The following DNM3 variants were observed in gnomAD, a reference collection of about 807,000 sequenced individuals.
DNM3 encodes the protein dynamin 3, also known as dynamin-3.
DNM3 carries 47 observed loss-of-function variants against 101.6 expected under a neutral mutation model. That is an observed-to-expected ratio of 0.46 (90% CI 0.37 to 0.59). DNM3 has a LOEUF of 0.59. Among genes scored for constraint, DNM3 ranks in the 20% least tolerant of loss-of-function variants. The pLI is 0.00. For missense variants in DNM3, 849 were observed against 1,085.7 expected (o/e 0.78, Z 3.06); for synonymous variants, 385 against 387.9 (o/e 0.99, Z 0.09).
intron 4 of DNM3, among the ~76,000 whole-genome samples, chr1:172,002,078 C>G (rs1198971105): frequency 6.6e-6 from 1 of 152,028 alleles, no homozygotes; most frequent in African/African-American, 2.4e-5. Flanking sequence ...TTTCCAGGTA[C>G]TATATCTGTC....
At chr1:172,244,091 C>T (rs1352128162) in intron 14 of DNM3, among the ~76,000 whole-genome samples, 1 of 152,036 alleles carries the variant, frequency 6.6e-6, no homozygotes, top group African/African-American at 2.4e-5. Context: ...GTTCAATTCC[C>T]ACCTATGAGT....
chr1:172,249,130 C>T (rs929621616), intron 14 of DNM3, among the ~76,000 whole-genome samples: 1 of 152,162 alleles, frequency 6.6e-6, no homozygotes, highest in African/African-American at 2.4e-5. Context: ...GCTATTCCCC[C>T]ACACACCTGA....
intron 1 of DNM3, among the ~76,000 whole-genome samples, chr1:171,905,323 C>T (rs923011606): frequency 3.9e-5 from 6 of 152,172 alleles, no homozygotes; most frequent in African/African-American, 9.6e-5. Context: ...TATCAGTCTT[C>T]CTTTCTGAGT....
chr1:172,175,596 A>G lies in DNM3; in HGVS notation c.1659+44308A>G, dbSNP rs570808688. 1.9e-4 allele frequency among the ~76,000 whole-genome samples: 29 copies of G among 151,914 alleles called. No homozygotes were observed. The East Asian group carries it at 5.6e-3, about 29-fold the overall frequency. On this transcript the variant is annotated intron_variant, in intron 14 of 20. Coordinates refer to ENST00000627582, the MANE Select transcript of DNM3 (RefSeq NM_015569.5). ...AGTAAGTGGTATAGATAATAAGTAC[A>G]AATAAGAAACTGGAGGAAGGAGATT...
chr1:171,900,864 T>G (rs1336702241), intron 1 of DNM3, among the ~76,000 whole-genome samples: 1 of 151,602 alleles, frequency 6.6e-6, no homozygotes, highest in Non-Finnish European at 1.5e-5. Flanking sequence ...ATCCTAGCAT[T>G]TAGGGAGGCC....
chr1:171,990,137 C>T (rs1156661283), intron 4 of DNM3, among the ~76,000 whole-genome samples: 1 of 152,136 alleles, frequency 6.6e-6, no homozygotes, highest in Non-Finnish European at 1.5e-5. Context: ...ATATCTTCCT[C>T]CAAGGACTTT....
At chr1:172,340,668 A>G (rs2066644712) in intron 17 of DNM3, among the ~76,000 whole-genome samples, 1 of 152,230 alleles carries the variant, frequency 6.6e-6, no homozygotes. Flanking sequence ...GCAATGAGAC[A>G]TTTCAGTTGG....
intron 14 of DNM3, among the ~76,000 whole-genome samples, chr1:172,163,956 TACACACAC>T (rs10536417): frequency 0.25 from 37,285 of 147,248 alleles, 5,108 homozygotes; most frequent in Middle Eastern, 0.35. Context: ...TACATATATA[TACACACAC>T]ACACACACAC....
rs564112568 is a variant in DNM3, at chr1:172,216,121, C to T, written c.1660-37452C>T. On this transcript the variant is annotated intron_variant, in intron 14 of 20. Coordinates refer to ENST00000627582, the MANE Select transcript of DNM3 (RefSeq NM_015569.5). ...AGGCATAAGAAAACTTGAACAGAAT[C>T]AAGAAATTTACCATTTAGTTATAAA... Among the ~76,000 whole-genome samples the T allele has an allele frequency of 1.1e-4, 16 of 151,732 alleles. 1 individual carries two copies. Among genetic ancestry groups the T allele is most frequent in the African/African-American group, 3.9e-4 (16 of 41,440 alleles).
intron 4 of DNM3, among the ~76,000 whole-genome samples, chr1:172,004,994 TAAG>T (rs1174058024): frequency 3.9e-5 from 6 of 152,084 alleles, no homozygotes; most frequent in Non-Finnish European, 7.4e-5. Context: ...TTTGCTTTAA[TAAG>T]AATTTGCATT....
intron 1 of DNM3, among the ~76,000 whole-genome samples, chr1:171,856,550 G>A (rs1357728675): frequency 1.3e-5 from 2 of 151,990 alleles, no homozygotes; most frequent in Non-Finnish European, 2.9e-5. Context: ...TGATTTCTTT[G>A]AGCAGTATTT....
In DNM3 at chr1:172,412,534, C is replaced by G. The variant is rs898859898; in HGVS notation, c.*4693C>G. On this transcript the variant is annotated 3_prime_UTR_variant, in exon 21 of 21. Coordinates refer to ENST00000627582, the MANE Select transcript of DNM3 (RefSeq NM_015569.5). ...CTGCTGATTCTTTAATTAATATGAG[C>G]CGGATACTTTCCACTGTCTTCTTGG... is the stretch of plus-strand genomic sequence containing the variant. 8 of 985,366 alleles carry G rather than the reference C, an allele frequency of 8.1e-6. No homozygotes were observed. The highest frequency in any genetic ancestry group is 9.6e-6 in the Non-Finnish European group (8 of 829,776). 61.0% of individuals were successfully genotyped at this position (985,366 alleles called of 1,614,324 possible).
At chr1:171,983,553 C>A (rs557912455) in intron 2 of DNM3, among the ~76,000 whole-genome samples, 2 of 152,068 alleles carry the variant, frequency 1.3e-5, no homozygotes, top group East Asian at 3.9e-4. Context: ...TCTAAGTCTC[C>A]ATCTCCTGAC....
intron 14 of DNM3, among the ~76,000 whole-genome samples, chr1:172,232,207 A>T (rs1457976497): frequency 6.6e-6 from 1 of 152,164 alleles, no homozygotes; most frequent in Non-Finnish European, 1.5e-5. Flanking sequence ...TACCAAGCAA[A>T]TGGAAAACAA....
chr1:172,017,075 C>T (rs957744505), intron 4 of DNM3, among the ~76,000 whole-genome samples: 13 of 152,200 alleles, frequency 8.5e-5, no homozygotes, highest in African/African-American at 3.1e-4. Context: ...ATTCATGAGA[C>T]CTGTAGTCAT....
At chr1:171,962,055 A>G (rs2043248689) in intron 2 of DNM3, among the ~76,000 whole-genome samples, 1 of 152,158 alleles carries the variant, frequency 6.6e-6, no homozygotes, top group African/African-American at 2.4e-5. Context: ...GTTAGGGGGA[A>G]GAGTTTGCTA....
chr1:172,064,069 T>A (rs2125921879), intron 10 of DNM3, among the ~76,000 whole-genome samples: 1 of 152,280 alleles, frequency 6.6e-6, no homozygotes, highest in South Asian at 2.1e-4. Flanking sequence ...AGCATGGAGC[T>A]GGACTGTAGC....
rs1414508718 is a variant in DNM3, at chr1:171,952,592, A to T, written c.235+30771A>T. Among the ~76,000 whole-genome samples, 14 of 152,210 alleles carry T rather than the reference A, an allele frequency of 9.2e-5. No homozygotes were observed. The East Asian group carries it at 2.7e-3, about 29-fold the overall frequency. ...CCTTGGCCCAGAGGGGATCCATTTC[A>T]ATCGGTTGGGGAGGCTTAGGATTTT... On this transcript the variant is annotated intron_variant, in intron 2 of 20. Coordinates refer to ENST00000627582, the MANE Select transcript of DNM3 (RefSeq NM_015569.5).
chr1:171,960,943 G>T (rs1380014825), intron 2 of DNM3, among the ~76,000 whole-genome samples: 2 of 152,176 alleles, frequency 1.3e-5, no homozygotes, highest in African/African-American at 2.4e-5. Flanking sequence ...AAGGGAGGCA[G>T]TTGAGTTGGA....
Sources: allele counts gnomAD v4.1 joint callset (sites outside exome capture counted in the v4.1 genomes callset), GRCh38; gene constraint gnomAD v4.1.1; transcripts MANE v1.5; gene names NCBI Gene and HGNC (gene_info 2026-07-23, HGNC 2026-07-21).